The following ITPRID1 variants were observed in gnomAD, a reference collection of about 807,000 sequenced individuals.
ITPRID1 encodes protein ITPRID1.
In ITPRID1, 96 loss-of-function variants were observed where a neutral mutation model predicts 95.4. The observed-to-expected ratio is 1.01, with a 90% confidence interval of 0.85 to 1.19. ITPRID1 has a LOEUF of 1.19. Ranked by LOEUF, ITPRID1 falls within the 50% of genes most tolerant of loss-of-function variation. ITPRID1 has a pLI of 0.00. For synonymous variants in ITPRID1, 510 were observed against 453.6 expected (o/e 1.12, Z -1.58); for missense variants, 1,339 against 1,252.9 (o/e 1.07, Z -1.04).
chr7:31,639,501 A>G (rs1789808567), intron 10 of ITPRID1, among the ~76,000 whole-genome samples: 2 of 149,944 alleles, frequency 1.3e-5, no homozygotes, highest in Non-Finnish European at 1.5e-5. Flanking sequence ...CTTCTTGAAC[A>G]TACAGGATAT....
intron 10 of ITPRID1, among the ~76,000 whole-genome samples, chr7:31,592,322 C>G (rs1051337215): frequency 6.6e-6 from 1 of 152,308 alleles, no homozygotes; most frequent in East Asian, 1.9e-4. Context: ...CTCTATGCTT[C>G]TGTGTCCTCA....
rs1783842141 is a variant in ITPRID1, at chr7:31,538,843, T to C, written c.-97-10583T>C. ...AAGTTATTGTTTTTCCTTTTGTATT[T>C]CTTGAAGAAACATTTTGAGGCTATC... On this transcript the variant is annotated intron_variant, in intron 1 of 14. Transcript: ENST00000615280. 2.0e-5 allele frequency among the ~76,000 whole-genome samples: 3 copies of C among 152,220 alleles called. No individual in the cohort carries two copies. In the South Asian group the frequency reaches 6.2e-4, roughly 31 times the overall value.
rs541758433 is a variant in ITPRID1, at chr7:31,641,755, C to T, written c.1229-421C>T. ...CTGAAGCTAGCAAAGGGTACTTATC[C>T]AAACTTTAGTAAAAAGAACAAGAAT... On this transcript the variant is annotated intron_variant, in intron 10 of 14. Transcript: ENST00000615280. Among the ~76,000 whole-genome samples the T allele has an allele frequency of 4.6e-5, 7 of 152,158 alleles. No homozygotes were observed. In the East Asian group the frequency reaches 1.4e-3, roughly 29 times the overall value.
chr7:31,520,637 A>T (rs560762641), intron 1 of ITPRID1, among the ~76,000 whole-genome samples: 1 of 151,382 alleles, frequency 6.6e-6, no homozygotes, highest in Non-Finnish European at 1.5e-5. Context: ...CATCTTTTGT[A>T]TTTCCTGCCC....
At chr7:31,657,354 G>A (rs34536788), downstream of ITPRID1, among the ~76,000 whole-genome samples, 112,693 of 152,080 alleles carry the variant, frequency 0.74, 41,903 homozygotes, top group East Asian at 0.82. Flanking sequence ...GAGGAGTCCT[G>A]CTTCTGTCTG....
At chr7:31,576,457 T>C (rs1785186309) in intron 8 of ITPRID1, among the ~76,000 whole-genome samples, 1 of 152,226 alleles carries the variant, frequency 6.6e-6, no homozygotes, top group African/African-American at 2.4e-5. Flanking sequence ...CTGCTTTGGA[T>C]GGATGTAAAG....
chr7:31,657,091 A>G (rs1255047388), downstream of ITPRID1, among the ~76,000 whole-genome samples: 3 of 7,350 alleles, frequency 4.1e-4, no homozygotes, highest in South Asian at 6.5e-3. Context: ...TATTTTATAT[A>G]TGATATATAT....
intron 1 of ITPRID1, among the ~76,000 whole-genome samples, chr7:31,537,095 T>TGTGTG (rs112444528): frequency 3.4e-5 from 5 of 145,568 alleles, no homozygotes; most frequent in African/African-American, 2.6e-5. Flanking sequence ...GGTGTGTGTG[T>TGTGTG]TGTGTGTGTG....
chr7:31,641,565 A>C (rs1255987501), intron 10 of ITPRID1, among the ~76,000 whole-genome samples: 1 of 152,218 alleles, frequency 6.6e-6, no homozygotes, highest in Non-Finnish European at 1.5e-5. Context: ...ATATTTACGT[A>C]AGAATCTACA....
rs545284022 is a variant in ITPRID1 at position 31,620,290 on chromosome 7, C to G, written c.1229-21886C>G. ...CAGCATGCAGCTGGAGATCTGAGAA[C>G]GGGCAGACTGCCTCCTCAAGTGGGT... On this transcript the variant is annotated intron_variant, in intron 10 of 14. Coordinates refer to ENST00000615280, the MANE Select transcript of ITPRID1 (RefSeq NM_001257967.3). Among the ~76,000 whole-genome samples the G allele has an allele frequency of 1.1e-3, 161 of 151,780 alleles. 1 individual carries two copies. The highest frequency in any genetic ancestry group is 3.5e-3 in the African/African-American group (144 of 41,476).
chr7:31,533,740 TG>T (rs1783673248), intron 1 of ITPRID1, among the ~76,000 whole-genome samples: 1 of 152,218 alleles, frequency 6.6e-6, no homozygotes, highest in African/African-American at 2.4e-5. Context: ...TAAAGCATTA[TG>T]GTTTAATTTC....
At chr7:31,574,992 C>T (rs1194779855) in intron 8 of ITPRID1, among the ~76,000 whole-genome samples, 1 of 152,180 alleles carries the variant, frequency 6.6e-6, no homozygotes, top group Admixed American at 6.5e-5. Context: ...TCTGGAACCT[C>T]ACTAGTTGCA....
intron 10 of ITPRID1, among the ~76,000 whole-genome samples, chr7:31,589,908 C>T (rs1025661970): frequency 1.1e-4 from 17 of 151,876 alleles, no homozygotes; most frequent in Non-Finnish European, 2.1e-4. Flanking sequence ...GGTAAATGAA[C>T]AAAGATACCT....
At chr7:31,545,449 G>GA (rs894759941) in intron 1 of ITPRID1, among the ~76,000 whole-genome samples, 10 of 151,014 alleles carry the variant, frequency 6.6e-5, no homozygotes, top group African/African-American at 1.7e-4. Context: ...AATCATGGAG[G>GA]AAAAAAAAAT....
chr7:31,558,423 G>C (rs7810337), intron 5 of ITPRID1, among the ~76,000 whole-genome samples: 1 of 151,890 alleles, frequency 6.6e-6, no homozygotes, highest in African/African-American at 2.4e-5. Flanking sequence ...CAGCCCTTTG[G>C]GACCACAACA....
chr7:31,578,953 C>T (rs1200963450), intron 9 of ITPRID1, among the ~76,000 whole-genome samples: 1 of 152,126 alleles, frequency 6.6e-6, no homozygotes, highest in Admixed American at 6.5e-5. Flanking sequence ...GTTTCCCCCA[C>T]AATGCCTAAC....
rs139913802 is a variant in ITPRID1, at chr7:31,613,489, T to C, written c.1229-28687T>C. ...AAACCAATTTGCTTACTGTAGTTTC[T>C]ATGGGATTTTTGCAAAGAAAAATAT... On this transcript the variant is annotated intron_variant, in intron 10 of 14. Transcript: ENST00000615280. 2.9e-3 allele frequency among the ~76,000 whole-genome samples: 439 copies of C among 152,344 alleles called. 2 individuals carry two copies. Among genetic ancestry groups the C allele is most frequent in the African/African-American group, 0.01 (418 of 41,584 alleles).
At chr7:31,617,972 C>T (rs1372734385) in intron 10 of ITPRID1, among the ~76,000 whole-genome samples, 9 of 152,144 alleles carry the variant, frequency 5.9e-5, no homozygotes, top group Admixed American at 5.9e-4. Context: ...TAGAAGCACA[C>T]ATATTGATTG....
chr7:31,590,402 C>T (rs1246240382), intron 10 of ITPRID1, among the ~76,000 whole-genome samples: 6 of 152,032 alleles, frequency 3.9e-5, no homozygotes, highest in African/African-American at 9.7e-5. Context: ...TCAAGGAAGA[C>T]AGATCCAAGA....
Sources: allele counts gnomAD v4.1 joint callset (sites outside exome capture counted in the v4.1 genomes callset), GRCh38; gene constraint gnomAD v4.1.1; transcripts MANE v1.5; gene names NCBI Gene and HGNC (gene_info 2026-07-23, HGNC 2026-07-21).